Variants in KAZN observed in about 807,000 individuals in gnomAD.
The protein encoded by KAZN is kazrin, periplakin interacting protein.
Under a neutral mutation model 87.4 loss-of-function variants are expected in KAZN, and 40 were observed. That is an observed-to-expected ratio of 0.46 (90% CI 0.36 to 0.60). The LOEUF is 0.60. Among genes scored for constraint, KAZN ranks in the 20% least tolerant of loss-of-function variants. The pLI, the probability that KAZN is intolerant of heterozygous loss-of-function variation, is 0.00. For synonymous variants in KAZN, 466 were observed against 458.3 expected, an observed-to-expected ratio of 1.02 and a Z score of -0.22; for missense variants, 898 against 1,073.9, an observed-to-expected ratio of 0.84 and a Z score of 2.29.
At chr1:14,091,423 G>A (rs1319029651) in intron 1 of KAZN, among the ~76,000 whole-genome samples, 2 of 152,092 alleles carry the variant, frequency 1.3e-5, no homozygotes, top group Non-Finnish European at 2.9e-5. Flanking sequence ...ATAAGTGTGT[G>A]TATGTATGTG....
rs149870857 is a variant in KAZN at position 14,841,711 on chromosome 1, G to A, written c.227-118973G>A. Among the ~76,000 whole-genome samples the A allele has an allele frequency of 9.2e-5, 14 of 152,304 alleles. 1 individual carries two copies. The highest frequency in any genetic ancestry group is 2.9e-4 in the African/African-American group (12 of 41,574). ...GAAACCAGCAGATGCTGCAAAGCAGGACTTTGTATTTTCCTTTCTTCTCTT... is the reference window on the plus strand; with the variant it reads ...GAAACCAGCAGATGCTGCAAAGCAGAACTTTGTATTTTCCTTTCTTCTCTT... On this transcript the variant is annotated intron_variant, in intron 1 of 14. Transcript: ENST00000376030.
In KAZN at chr1:14,996,952, CTG is replaced by C. The variant is rs1667933328; in HGVS notation, c.418+36083_418+36084del. Among the ~76,000 whole-genome samples, 1 of 152,166 alleles carries C rather than the reference CTG, an allele frequency of 6.6e-6. No individual in the cohort carries two copies. Among genetic ancestry groups the C allele is most frequent in the South Asian group, 2.1e-4 (1 of 4,830 alleles). ...TTTCTGTTCCTCAAATGCTCTGAGGCTGTGTGTTCCCCCAGGCACCCTGTGCT... is the reference window on the plus strand; with the variant it reads ...TTTCTGTTCCTCAAATGCTCTGAGGCTGTGTTCCCCCAGGCACCCTGTGCT... On this transcript the variant is annotated intron_variant, in intron 2 of 14. Coordinates refer to ENST00000376030, the MANE Select transcript of KAZN (RefSeq NM_201628.3). This position sits in a 1 kb window ranked among gnomAD's most constrained non-coding sequence, Gnocchi z 5.9.
chr1:15,093,924 C>A (rs1224998000), intron 8 of KAZN, among the ~76,000 whole-genome samples: 1 of 152,226 alleles, frequency 6.6e-6, no homozygotes, highest in Admixed American at 6.5e-5. Flanking sequence ...TTGCCTTTCA[C>A]AGTCACGTGG....
intron 2 of KAZN, among the ~76,000 whole-genome samples, chr1:14,205,884 C>CAAAAAAAGAAAAAA (rs1646730135): frequency 2.8e-5 from 1 of 35,220 alleles, no homozygotes; most frequent in Non-Finnish European, 4.4e-5. Flanking sequence ...GACACTGTCT[C>CAAAAAAAGAAAAAA]AAAAAAAAAA....
intron 2 of KAZN, among the ~76,000 whole-genome samples, chr1:14,455,518 T>C (rs1667521428): frequency 6.6e-6 from 1 of 152,228 alleles, no homozygotes; most frequent in Non-Finnish European, 1.5e-5. Context: ...TTGAGACCCC[T>C]ACCTTAGGAA....
At chr1:13,966,388 C>G (rs1557751506) in intron 1 of KAZN, among the ~76,000 whole-genome samples, 1 of 152,232 alleles carries the variant, frequency 6.6e-6, no homozygotes, top group African/African-American at 2.4e-5. Flanking sequence ...TGGCTCTGAC[C>G]TGTCTTTACA....
chr1:13,986,473 A>T (rs1455657267), intron 1 of KAZN, among the ~76,000 whole-genome samples: 2 of 152,196 alleles, frequency 1.3e-5, no homozygotes, highest in African/African-American at 4.8e-5. Flanking sequence ...ATTATCTCCA[A>T]ATTAATTTTT....
chr1:14,290,296 C>T (rs886933905), intron 2 of KAZN, among the ~76,000 whole-genome samples: 17 of 152,296 alleles, frequency 1.1e-4, no homozygotes, highest in Admixed American at 4.6e-4. Flanking sequence ...CCATTCTCCC[C>T]GTCACTTTTA....
intron 1 of KAZN, among the ~76,000 whole-genome samples, chr1:14,088,483 T>A (rs907176544): frequency 2.6e-5 from 4 of 152,036 alleles, no homozygotes; most frequent in African/African-American, 9.6e-5. Context: ...TTTAATTCAG[T>A]TCCATTGTGG....
intron 2 of KAZN, among the ~76,000 whole-genome samples, chr1:14,257,875 A>G (rs1326015150): frequency 7.0e-6 from 1 of 142,504 alleles, no homozygotes; most frequent in Non-Finnish European, 1.5e-5. Context: ...GCGCACCAGC[A>G]TGGCACATGT....
At chr1:14,538,681 A>T (rs796586958) in intron 2 of KAZN, among the ~76,000 whole-genome samples, 46 of 152,360 alleles carry the variant, frequency 3.0e-4, no homozygotes, top group African/African-American at 1.1e-3. Context: ...CACATTGAAA[A>T]CATAGCAGAG....
intron 1 of KAZN, among the ~76,000 whole-genome samples, chr1:14,849,241 G>C (rs181000610): frequency 1.6e-4 from 25 of 152,290 alleles, no homozygotes; most frequent in African/African-American, 5.3e-4. Flanking sequence ...TCCAAGAAGT[G>C]GTAACCAGAG....
intron 2 of KAZN, among the ~76,000 whole-genome samples, chr1:14,262,780 G>A (rs568097793): frequency 2.0e-5 from 3 of 152,156 alleles, no homozygotes; most frequent in African/African-American, 4.8e-5. Flanking sequence ...TGTACAAGTC[G>A]TAAATCATTC....
At chr1:14,171,152 A>G (rs1645946890) in intron 1 of KAZN, among the ~76,000 whole-genome samples, 2 of 152,200 alleles carry the variant, frequency 1.3e-5, no homozygotes, top group Admixed American at 1.3e-4. Context: ...ATAGTATTCC[A>G]TTGTATGGAT....
intron 1 of KAZN, among the ~76,000 whole-genome samples, chr1:14,137,328 C>G (rs572945638): frequency 2.6e-4 from 40 of 152,120 alleles, no homozygotes; most frequent in Non-Finnish European, 5.3e-4. Flanking sequence ...TTCCCAGGTG[C>G]GTGGGTCAGG....
chr1:14,244,109 TAAAAC>T (rs1649268357), intron 2 of KAZN, among the ~76,000 whole-genome samples: 7 of 151,998 alleles, frequency 4.6e-5, no homozygotes, highest in Admixed American at 3.9e-4. Flanking sequence ...TGGCTTCTGT[TAAAAC>T]AAACAAACAA....
intron 1 of KAZN, among the ~76,000 whole-genome samples, chr1:14,907,263 A>G (rs1656699101): frequency 6.6e-6 from 1 of 151,834 alleles, no homozygotes; most frequent in Non-Finnish European, 1.5e-5. Flanking sequence ...TTAGCAGGGC[A>G]TGGTGGTGCA....
intron 2 of KAZN, among the ~76,000 whole-genome samples, chr1:14,418,044 A>C (rs12738131): frequency 1.2e-3 from 160 of 136,386 alleles, no homozygotes; most frequent in Non-Finnish European, 2.1e-3. Context: ...AAAAAAAAAA[A>C]CCTACATCGA....
chr1:14,779,419 G>C (rs1003600843), intron 1 of KAZN, among the ~76,000 whole-genome samples: 2 of 152,164 alleles, frequency 1.3e-5, no homozygotes, highest in African/African-American at 4.8e-5. Flanking sequence ...AAGCTTCCTG[G>C]GGCACTCTCA....
Sources: allele counts gnomAD v4.1 joint callset (sites outside exome capture counted in the v4.1 genomes callset), GRCh38; gene constraint gnomAD v4.1.1; non-coding constraint Gnocchi (gnomAD v3.1); transcripts MANE v1.5; gene names NCBI Gene and HGNC (gene_info 2026-07-23, HGNC 2026-07-21).